The following SDK1 variants were observed in gnomAD, a reference collection of about 807,000 sequenced individuals.
The protein encoded by SDK1 is sidekick cell adhesion molecule 1, also known as protein sidekick-1.
SDK1 carries 157 observed loss-of-function variants against 245.5 expected under a neutral mutation model. That is an observed-to-expected ratio of 0.64 (90% CI 0.56 to 0.73). SDK1 has a LOEUF of 0.73. SDK1 is among the 30% of genes least tolerant of loss of function. The probability of loss-of-function intolerance (pLI) is 0.00; values close to 1 mark genes in which losing one functional copy is unlikely to be tolerated. For missense variants in SDK1, 3,583 were observed against 3,002.3 expected (o/e 1.19, Z -4.52); for synonymous variants, 1,647 against 1,278.5 (o/e 1.29, Z -6.15).
intron 1 of SDK1, among the ~76,000 whole-genome samples, chr7:3,581,493 A>G (rs1007289966): frequency 2.6e-5 from 4 of 152,326 alleles, no homozygotes; most frequent in Admixed American, 6.5e-5. Flanking sequence ...AAGTCAAAAA[A>G]TAACAGATGT....
Position 4,266,403 on chromosome 7 carries a change from G to C in SDK1, c.*1019G>C. ...TGCAAATAAAGCAAAACAGCTCTGA[G>C]AACACACGCTCCCGACTCGCCTCGT... On this transcript the variant is annotated 3_prime_UTR_variant, in exon 45 of 45. Coordinates refer to ENST00000404826, the MANE Select transcript of SDK1 (RefSeq NM_152744.4). 6.1e-6 allele frequency: 6 copies of C among 985,298 alleles called. No homozygotes were observed. The highest frequency in any genetic ancestry group is 7.2e-6 in the Non-Finnish European group (6 of 829,930). 61.0% of individuals were successfully genotyped at this position (985,298 alleles called of 1,614,324 possible). A position where few individuals can be genotyped will look rare whatever the true frequency, so the allele number is the denominator to read the frequency against.
At chr7:3,481,750 G>A (rs1199865101) in intron 1 of SDK1, among the ~76,000 whole-genome samples, 1 of 152,110 alleles carries the variant, frequency 6.6e-6, no homozygotes, top group Non-Finnish European at 1.5e-5. Flanking sequence ...AAGGCCTAGG[G>A]GTGCAAACAG....
chr7:4,264,322 GGGAGGCCGCGTAGATCTCTCCTGAGTGA>G (rs2128245347), intron 44 of SDK1, among the ~76,000 whole-genome samples: 1 of 142,844 alleles, frequency 7.0e-6, no homozygotes, highest in African/African-American at 2.6e-5. Flanking sequence ...TCCTGAGTGA[GGGAGGCCGCGTAGATCTCTCCTGAGTGA>G]GGAGGCCGTG....
intron 2 of SDK1, among the ~76,000 whole-genome samples, chr7:3,627,167 G>T (rs1782147562): frequency 6.6e-6 from 1 of 152,230 alleles, no homozygotes; most frequent in Middle Eastern, 3.4e-3. Context: ...GGGCTCAAAT[G>T]ATTCACCCAG....
In SDK1 at chr7:4,204,999, T is replaced by G. The variant is rs778710151; in HGVS notation, c.5099-880T>G. 1.3e-3 allele frequency among the ~76,000 whole-genome samples: 177 copies of G among 140,470 alleles called. 1 individual carries two copies. Among genetic ancestry groups the G allele is most frequent in the South Asian group, 3.6e-3 (15 of 4,184 alleles). The allele number at this position is 140,470 out of a possible 152,430, so 92.2% of individuals were successfully genotyped here. Reference sequence around the variant, plus strand: ...GGTGCGGCCACACCCCTAATGGCGGTGTGGTAAGGCGCGGAGGTGCGGCCG... The same window carrying G: ...GGTGCGGCCACACCCCTAATGGCGGGGTGGTAAGGCGCGGAGGTGCGGCCG... On this transcript the variant is annotated intron_variant, in intron 35 of 44. Transcript: ENST00000404826.
intron 1 of SDK1, among the ~76,000 whole-genome samples, chr7:3,412,680 A>G (rs1054737077): frequency 3.9e-5 from 6 of 152,192 alleles, no homozygotes; most frequent in Non-Finnish European, 8.8e-5. Flanking sequence ...ATTTTGAAAG[A>G]TGTAGCCAGG....
At chr7:4,125,232 T>TG (rs1164981620) in intron 25 of SDK1, among the ~76,000 whole-genome samples, 1 of 139,326 alleles carries the variant, frequency 7.2e-6, no homozygotes, top group Non-Finnish European at 1.5e-5. Flanking sequence ...GATAGATGGA[T>TG]GATGGATGGA....
At chr7:4,019,161 GC>G (rs1262653507) in intron 17 of SDK1, among the ~76,000 whole-genome samples, 1 of 152,192 alleles carries the variant, frequency 6.6e-6, no homozygotes, top group Non-Finnish European at 1.5e-5. Context: ...CAGGAACAGA[GC>G]CCAGACCCTT....
intron 38 of SDK1, 146 bp from the exon 39 acceptor site, chr7:4,219,963 T>G: frequency 1.1e-6 from 1 of 903,684 alleles, no homozygotes. Context: ...AATTGGCTAT[T>G]ACCACCATAT....
intron 5 of SDK1, among the ~76,000 whole-genome samples, chr7:3,931,477 A>G (rs1779976665): frequency 1.3e-5 from 2 of 152,254 alleles, no homozygotes; most frequent in Non-Finnish European, 2.9e-5. Context: ...TCAAGGAACT[A>G]TAAGTATTCA....
intron 1 of SDK1, among the ~76,000 whole-genome samples, chr7:3,515,582 C>G (rs1035956089): frequency 9.2e-5 from 14 of 152,136 alleles, no homozygotes; most frequent in African/African-American, 3.4e-4. Flanking sequence ...AGAATGTACT[C>G]TTAAAATAGT....
chr7:3,701,968 G>C (rs1784754340), intron 4 of SDK1, among the ~76,000 whole-genome samples: 1 of 145,172 alleles, frequency 6.9e-6, no homozygotes, highest in Non-Finnish European at 1.5e-5. Context: ...ATTGTATCTT[G>C]ACCTACACCC....
intron 5 of SDK1, among the ~76,000 whole-genome samples, chr7:3,933,020 C>T (rs751975812): frequency 7.9e-5 from 12 of 152,008 alleles, no homozygotes; most frequent in Non-Finnish European, 1.6e-4. Context: ...CTGGTGCCAC[C>T]GTGCTGGTAG....
chr7:3,589,730 A>G (rs901573952), intron 1 of SDK1, among the ~76,000 whole-genome samples: 2 of 152,144 alleles, frequency 1.3e-5, no homozygotes, highest in African/African-American at 2.4e-5. Flanking sequence ...ACAGCATGGG[A>G]AAAAACCACC....
At chr7:3,931,744 G>A (rs914833650) in intron 5 of SDK1, among the ~76,000 whole-genome samples, 195 of 152,034 alleles carry the variant, frequency 1.3e-3, no homozygotes, top group Non-Finnish European at 1.0e-4. Flanking sequence ...TCTCCGTGCC[G>A]ACTTATGGGG....
chr7:3,521,039 A>G (rs1353517266), intron 1 of SDK1, among the ~76,000 whole-genome samples: 2 of 152,124 alleles, frequency 1.3e-5, no homozygotes, highest in South Asian at 2.1e-4. Flanking sequence ...ATCTCTGAGG[A>G]TGAGTCTTCT....
intron 9 of SDK1, among the ~76,000 whole-genome samples, chr7:3,966,919 C>A (rs995558697): frequency 6.6e-6 from 1 of 152,166 alleles, no homozygotes; most frequent in Non-Finnish European, 1.5e-5. Context: ...CTCCTGAACT[C>A]AAGCAGTCCT....
chr7:3,508,105 G>T (rs546941098), intron 1 of SDK1, among the ~76,000 whole-genome samples: 1 of 152,180 alleles, frequency 6.6e-6, no homozygotes, highest in Non-Finnish European at 1.5e-5. Flanking sequence ...GATAGTCAGG[G>T]TGTTGTCCAT....
intron 40 of SDK1, among the ~76,000 whole-genome samples, chr7:4,221,786 A>G (rs965648995): frequency 7.2e-5 from 11 of 152,244 alleles, no homozygotes; most frequent in Non-Finnish European, 1.0e-4. Context: ...TCTTATTAAT[A>G]GTGAAACCGA....
Sources: allele counts gnomAD v4.1 joint callset (sites outside exome capture counted in the v4.1 genomes callset), GRCh38; gene constraint gnomAD v4.1.1; transcripts MANE v1.5; gene names NCBI Gene and HGNC (gene_info 2026-07-23, HGNC 2026-07-21).